Variants in SH3BP2 observed in about 807,000 individuals in gnomAD.
The protein encoded by SH3BP2 is SH3 domain binding protein 2, also known as SH3 domain-binding protein 2.
SH3BP2 carries 38 observed loss-of-function variants against 56.2 expected under a neutral mutation model. The observed-to-expected ratio is 0.68, with a 90% CI of 0.52 to 0.89. The LOEUF is 0.89. SH3BP2 is among the 40% of genes least tolerant of loss of function. The probability of loss-of-function intolerance (pLI) is 0.00; values close to 1 mark genes in which losing one functional copy is unlikely to be tolerated. For missense variants in SH3BP2, 748 were observed against 762.6 expected, an observed-to-expected ratio of 0.98 and a Z score of 0.23; for synonymous variants, 346 against 316.7, an observed-to-expected ratio of 1.09 and a Z score of -0.98.
chr4:2,799,923 G>T (rs1318682895), intron 1 of SH3BP2, among the ~76,000 whole-genome samples: 2 of 151,860 alleles, frequency 1.3e-5, no homozygotes, highest in African/African-American at 4.8e-5. Flanking sequence ...GCCTGGTGGG[G>T]CTTCCAGCAG....
At position 2,818,170 on chromosome 4, in the gene SH3BP2, A is replaced by C. The variant is rs572635517; in HGVS notation, c.-4-2444A>C. 3 of 975,716 alleles carry C rather than the reference A, an allele frequency of 3.1e-6. No individual in the cohort carries two copies. The East Asian group carries it at 3.4e-4, about 110-fold the overall frequency. The allele number at this position is 975,716 out of a possible 1,614,324, so 60.4% of individuals were successfully genotyped here. On this transcript the variant is annotated intron_variant, in intron 1 of 12. Coordinates refer to ENST00000503393, the MANE Select transcript of SH3BP2 (RefSeq NM_001122681.2). ...CGCCGGGATCCTCACCTGCCCGCCC[A>C]GTCCCCCGCCGAGAGGGGAGGAGCC...
chr4:2,814,639 G>C (rs1241837871), intron 1 of SH3BP2, among the ~76,000 whole-genome samples: 2 of 152,230 alleles, frequency 1.3e-5, no homozygotes, highest in African/African-American at 4.8e-5. Flanking sequence ...GCCGCCCAAC[G>C]CTGGCCCATG....
chr4:2,824,831 G>A, intron 4 of SH3BP2, 101 bp downstream of exon 4: 1 of 917,072 alleles, frequency 1.1e-6, no homozygotes, highest in Non-Finnish European at 1.8e-6. Context: ...TGGGGCGCTG[G>A]CCTCTCAGCC....
chr4:2,809,706 G>C, intron 1 of SH3BP2: 5 of 784,354 alleles, frequency 6.4e-6, no homozygotes, highest in Non-Finnish European at 7.7e-6. Context: ...ACTGTGCTGG[G>C]TGTTTGCCTT....
chr4:2,836,876 A>G lies in SH3BP2; in HGVS notation c.*3042A>G, dbSNP rs1725251383. On this transcript the variant is annotated 3_prime_UTR_variant, in exon 13 of 13. Coordinates refer to ENST00000503393, the MANE Select transcript of SH3BP2 (RefSeq NM_001122681.2). ...AGGACTCACTGACATACCTACCTTC[A>G]AGATGAGTTCAGGTGGGCTCAGTTC... is the stretch of plus-strand genomic sequence containing the variant. 6.6e-6 allele frequency: 1 copy of G among 152,182 alleles called. No homozygotes were observed. The highest frequency in any genetic ancestry group is 1.5e-5 in the Non-Finnish European group (1 of 68,028). 9.4% of individuals were successfully genotyped at this position (152,182 alleles called of 1,614,324 possible). A position where few individuals can be genotyped will look rare whatever the true frequency, so the allele number is the denominator to read the frequency against.
intron 1 of SH3BP2, chr4:2,793,664 T>C (rs1488913398): frequency 6.6e-6 from 1 of 152,058 alleles, no homozygotes; most frequent in African/African-American, 2.4e-5. Context: ...GCACTCGCTC[T>C]CCGCCCTTCC....
At chr4:2,808,526 C>A (rs1213591653) in intron 1 of SH3BP2, among the ~76,000 whole-genome samples, 3 of 152,112 alleles carry the variant, frequency 2.0e-5, no homozygotes, top group African/African-American at 7.2e-5. Context: ...GGTTCCCTCT[C>A]CCTCTATCCC....
At chr4:2,832,190 C>A in intron 10 of SH3BP2, 141 bp from the exon 11 acceptor site, 1 of 989,454 alleles carries the variant, frequency 1.0e-6, no homozygotes, top group Non-Finnish European at 1.6e-6. Context: ...TTCTGTCAGC[C>A]TCACGGCAGC....
chr4:2,823,022 T>G lies in SH3BP2; in HGVS notation c.224T>G (p.Leu75Arg). ...TSASPQGAFS[L>R]SGYNRVMRAA... ...GCCTCCCCGCAGGGCGCCTTCTCCCTGAGTGGCTATAACCGGTAAGTGCCC... is the reference window on the plus strand; with the variant it reads ...GCCTCCCCGCAGGGCGCCTTCTCCCGGAGTGGCTATAACCGGTAAGTGCCC... The change falls in exon 3 of 13, where the codon CTG (leucine) becomes CGG (arginine). Residue 75 changes from leucine (L) to arginine (R), a missense_variant. This residue lies in a region of SH3BP2 where 104 missense variants were observed against 123.1 expected (regional missense o/e 0.84). Transcript: ENST00000503393. 1 of 1,613,316 alleles carries G rather than the reference T, an allele frequency of 6.2e-7. No individual in the cohort carries two copies. The highest frequency in any genetic ancestry group is 2.2e-5 in the East Asian group (1 of 44,874).
chr4:2,818,621 G>C (rs1724127475), intron 1 of SH3BP2: 1 of 734,396 alleles, frequency 1.4e-6, no homozygotes, highest in African/African-American at 1.9e-5. Flanking sequence ...GGGCGGACTG[G>C]GCACGGGGCT....
chr4:2,818,523 G>A lies in SH3BP2; in HGVS notation c.-4-2091G>A, dbSNP rs1016438054. ...GCTGGTCGCCCACGCGCTTCTTGGG[G>A]GAACAAAGGCGGGCGTGGACCGTCC... On this transcript the variant is annotated intron_variant, in intron 1 of 12. Coordinates refer to ENST00000503393, the MANE Select transcript of SH3BP2 (RefSeq NM_001122681.2). The A allele has an allele frequency of 7.6e-5, 42 of 549,278 alleles. No homozygotes were observed. In the Admixed American group the frequency reaches 9.0e-4, roughly 12 times the overall value. 34.0% of individuals were successfully genotyped at this position (549,278 alleles called of 1,614,324 possible).
At chr4:2,833,445 C>A in intron 12 of SH3BP2, 1 of 602,348 alleles carries the variant, frequency 1.7e-6, no homozygotes, top group Non-Finnish European at 3.0e-6. Flanking sequence ...GGCCTAGGTT[C>A]ATTTCCTGAC....
At chr4:2,813,099 T>C (rs1430028512) in intron 1 of SH3BP2, among the ~76,000 whole-genome samples, 1 of 152,168 alleles carries the variant, frequency 6.6e-6, no homozygotes, top group East Asian at 1.9e-4. Context: ...ATTTTGGTTT[T>C]GATTATGTTA....
intron 2 of SH3BP2, 21 bp downstream of exon 2, chr4:2,820,774 G>T (rs757111767): frequency 5.0e-6 from 8 of 1,608,726 alleles, no homozygotes; most frequent in Non-Finnish European, 6.8e-6. Flanking sequence ...GGGGTGGTAG[G>T]GTGCACAGTA....
chr4:2,833,150 C>A, intron 12 of SH3BP2, 101 bp downstream of exon 12: 1 of 1,053,000 alleles, frequency 9.5e-7, no homozygotes, highest in Non-Finnish European at 1.5e-6. Flanking sequence ...TAGACTGAGA[C>A]TGGCACCTCC....
At chr4:2,827,559 T>A in intron 6 of SH3BP2, 47 bp from the exon 7 acceptor site, 2 of 1,548,206 alleles carry the variant, frequency 1.3e-6, no homozygotes, top group Non-Finnish European at 1.8e-6. Flanking sequence ...GCTCGGAGAC[T>A]GGGCCTGGGC....
rs138986397 is a variant in SH3BP2 at position 2,827,616 on chromosome 4, C to T, written c.528C>T (p.His176=). The change falls in exon 7 of 13, where the codon CAC becomes CAT. Residue 176 remains histidine, a synonymous_variant. Coordinates refer to ENST00000503393, the MANE Select transcript of SH3BP2 (RefSeq NM_001122681.2). ...CCTCTCCCCATGCAGACTATGAGCA[C>T]GACGATGAGGATGACTCCTACCTGG... ...PYPTDNEDYE[H]DDEDDSYLEP... is the part of the protein sequence containing the mutation. 212 of 1,596,922 alleles carry T rather than the reference C, an allele frequency of 1.3e-4. No individual in the cohort carries two copies. The highest frequency in any genetic ancestry group is 1.7e-4 in the Non-Finnish European group (205 of 1,171,684).
rs1725309359 is a variant in SH3BP2 at position 2,838,477 on chromosome 4, A to G, written c.*4643A>G. ...TTGCTGTGCGTAGTATAGTTTGTGC[A>G]TGTTCATTGCTAAAAACTTCCATTG... On this transcript the variant is annotated 3_prime_UTR_variant, in exon 13 of 13. Coordinates refer to ENST00000503393, the MANE Select transcript of SH3BP2 (RefSeq NM_001122681.2). 6.6e-6 allele frequency: 1 copy of G among 152,178 alleles called. No homozygotes were observed. The highest frequency in any genetic ancestry group is 1.5e-5 in the Non-Finnish European group (1 of 68,036). The allele number at this position is 152,178 out of a possible 1,614,324, so 9.4% of individuals were successfully genotyped here.
intron 12 of SH3BP2, chr4:2,833,301 TC>T (rs1725100289): frequency 1.7e-6 from 1 of 591,830 alleles, no homozygotes; most frequent in Admixed American, 3.0e-5. Flanking sequence ...GGGTTGCTTG[TC>T]TTGTCTTTTT....
Sources: allele counts gnomAD v4.1 joint callset (sites outside exome capture counted in the v4.1 genomes callset), GRCh38; gene constraint gnomAD v4.1.1; regional missense constraint gnomAD v4.1.1; transcripts MANE v1.5; gene names NCBI Gene and HGNC (gene_info 2026-07-23, HGNC 2026-07-21).